The following AFF2 variants were observed in gnomAD, a reference collection of about 807,000 sequenced individuals.
The protein encoded by AFF2 is ALF transcription elongation factor 2.
Under a neutral mutation model 76.9 loss-of-function variants are expected in AFF2, and 14 were observed. The observed-to-expected ratio is 0.18, with a 90% confidence interval of 0.12 to 0.28. AFF2 has a LOEUF of 0.28. Ranked by LOEUF, AFF2 falls within the 10% of genes least tolerant of loss-of-function variation. AFF2 has a pLI of 1.00. For missense variants in AFF2, 868 were observed against 1,001.1 expected, an observed-to-expected ratio of 0.87 and a Z score of 1.79; for synonymous variants, 398 against 366.7, an observed-to-expected ratio of 1.09 and a Z score of -0.98.
At chrX:148,633,493 A>G (rs1364018256) in intron 1 of AFF2, among the ~76,000 whole-genome samples, 1 of 112,104 alleles carries the variant, frequency 8.9e-6, no homozygotes, top group Non-Finnish European at 1.9e-5. Context: ...CATTCACCGT[A>G]CCCTTATATT....
intron 1 of AFF2, among the ~76,000 whole-genome samples, chrX:148,585,668 T>C (rs1426620818): frequency 2.8e-5 from 3 of 107,625 alleles, no homozygotes; most frequent in Non-Finnish European, 5.8e-5. Context: ...TGAAACCCCC[T>C]CTCTACTAAA....
chrX:148,621,125 A>C (rs2053863951), intron 1 of AFF2, among the ~76,000 whole-genome samples: 1 of 111,580 alleles, frequency 9.0e-6, no homozygotes, highest in Admixed American at 9.5e-5. Flanking sequence ...CTAAGGACAT[A>C]CCAATTTTTA....
chrX:148,977,827 G>C (rs2072345383), intron 16 of AFF2, 106 bp from the exon 17 acceptor site: 4 of 596,594 alleles, frequency 6.7e-6, no homozygotes, highest in Non-Finnish European at 1.1e-5. Context: ...CTCTTGCCCA[G>C]AACAAATGTG....
chrX:148,668,298 G>A (rs1296323747), intron 3 of AFF2, among the ~76,000 whole-genome samples: 1 of 112,861 alleles, frequency 8.9e-6, no homozygotes, highest in Non-Finnish European at 1.9e-5. Flanking sequence ...TTGAGTGTCT[G>A]TGGCTTTTCC....
At chrX:148,806,145 T>C (rs1276102689) in intron 3 of AFF2, among the ~76,000 whole-genome samples, 1 of 112,807 alleles carries the variant, frequency 8.9e-6, no homozygotes, top group African/African-American at 3.2e-5. Context: ...TCAGTCTCTG[T>C]CTTTCACACC....
intron 9 of AFF2, among the ~76,000 whole-genome samples, chrX:148,921,073 C>T (rs960024551): frequency 9.0e-6 from 1 of 111,175 alleles, no homozygotes; most frequent in Non-Finnish European, 1.9e-5. Context: ...TAAGCCACAG[C>T]CTCATTGCAA....
intron 12 of AFF2, among the ~76,000 whole-genome samples, chrX:148,959,282 A>C (rs139291920): frequency 9.0e-6 from 1 of 111,167 alleles, no homozygotes; most frequent in Non-Finnish European, 1.9e-5. Flanking sequence ...CTTAACTAAC[A>C]ATCATGTCAG....
intron 8 of AFF2, among the ~76,000 whole-genome samples, chrX:148,886,710 G>A (rs1158308711): frequency 1.8e-5 from 2 of 112,113 alleles, no homozygotes; most frequent in Non-Finnish European, 3.8e-5. Context: ...GAACTGTCTC[G>A]AATGTGGGGT....
At chrX:148,955,551 G>A in intron 10 of AFF2, 52 bp from the exon 11 acceptor site, 1 of 1,155,204 alleles carries the variant, frequency 8.7e-7, no homozygotes, top group Non-Finnish European at 1.2e-6. Flanking sequence ...GGGTTCTCTT[G>A]AATCCTTCCC....
intron 7 of AFF2, among the ~76,000 whole-genome samples, chrX:148,859,029 C>T (rs1449995703): frequency 1.9e-5 from 2 of 106,012 alleles, no homozygotes; most frequent in Non-Finnish European, 3.9e-5. Context: ...AAAATCAATA[C>T]ATTATTAGCA....
At chrX:148,863,361 C>T (rs1427586095) in intron 7 of AFF2, among the ~76,000 whole-genome samples, 2 of 111,770 alleles carry the variant, frequency 1.8e-5, no homozygotes, top group African/African-American at 6.5e-5. Context: ...ACTGTACTCT[C>T]CTTGAGGTTG....
chrX:148,606,523 T>G (rs1603256186), intron 1 of AFF2, among the ~76,000 whole-genome samples: 1 of 110,340 alleles, frequency 9.1e-6, no homozygotes. Flanking sequence ...CAAGTCAGCC[T>G]TGTGGATAGA....
intron 1 of AFF2, among the ~76,000 whole-genome samples, chrX:148,517,834 G>A (rs868992279): frequency 1.9e-5 from 2 of 103,263 alleles, no homozygotes; most frequent in South Asian, 9.9e-4. Flanking sequence ...TGGCTAACAC[G>A]GTGAAACCCC....
chrX:148,554,117 A>G lies in AFF2; in HGVS notation c.47+52973A>G, dbSNP rs1175440131. 2.7e-5 allele frequency among the ~76,000 whole-genome samples: 3 copies of G among 112,436 alleles called. No individual in the cohort carries two copies. The East Asian group carries it at 8.4e-4, about 32-fold the overall frequency. On this transcript the variant is annotated intron_variant, in intron 1 of 20. Coordinates refer to ENST00000370460, the MANE Select transcript of AFF2 (RefSeq NM_002025.4). ...CATCTCTCTCGGCTTCTTTGCCATT[A>G]TCTGCAAAACAGGGATAATACACAT...
intron 3 of AFF2, among the ~76,000 whole-genome samples, chrX:148,684,074 T>C (rs1014772438): frequency 1.8e-5 from 2 of 111,983 alleles, no homozygotes; most frequent in East Asian, 5.6e-4. Context: ...TAGATCTATG[T>C]ACAATCTAGG....
At chrX:148,517,916 A>G (rs1350682831) in intron 1 of AFF2, among the ~76,000 whole-genome samples, 2 of 107,918 alleles carry the variant, frequency 1.9e-5, no homozygotes, top group African/African-American at 3.4e-5. Flanking sequence ...CCAGCTACTC[A>G]GGAGGCTGAG....
intron 1 of AFF2, among the ~76,000 whole-genome samples, chrX:148,525,388 A>G (rs2052647342): frequency 8.9e-6 from 1 of 112,271 alleles, no homozygotes; most frequent in Non-Finnish European, 1.9e-5. Flanking sequence ...ACAAAATTGT[A>G]ACACTTATCA....
chrX:148,755,585 A>G (rs782656058), intron 3 of AFF2, among the ~76,000 whole-genome samples: 1 of 112,531 alleles, frequency 8.9e-6, no homozygotes, highest in South Asian at 3.7e-4. Flanking sequence ...AAATGACAGC[A>G]TTAGAGTGAC....
chrX:148,704,216 CTA>C lies in AFF2; in HGVS notation c.1041+41458_1041+41459del, dbSNP rs782647781. On this transcript the variant is annotated intron_variant, in intron 3 of 20. Coordinates refer to ENST00000370460, the MANE Select transcript of AFF2 (RefSeq NM_002025.4). ...GGTGAAATAGGAAGTATTGGAAATC[CTA>C]TATATATATGTGTGTATATATATAT... Among the ~76,000 whole-genome samples, 97 of 19,432 alleles carry C rather than the reference CTA, an allele frequency of 5.0e-3. 3 individuals are homozygous for C. The highest frequency in any genetic ancestry group is 0.015 in the African/African-American group (96 of 6,419). The allele number at this position is 19,432 out of a possible 115,157, so 16.9% of individuals were successfully genotyped here. A position where few individuals can be genotyped will look rare whatever the true frequency, so the allele number is the denominator to read the frequency against.
Sources: gnomAD v4.1 joint callset for allele counts (sites outside exome capture counted in the v4.1 genomes callset) on GRCh38, gnomAD v4.1.1 for gene constraint, MANE v1.5 for transcripts, NCBI Gene and HGNC (gene_info 2026-07-23, HGNC 2026-07-21) for gene names.